NRXN3: variants seen among roughly 807,000 people sequenced by gnomAD.
NRXN3 encodes the protein neurexin III.
A neutral mutation model predicts 137.6 loss-of-function variants in NRXN3; 32 were observed. That is an observed-to-expected ratio of 0.23 (90% CI 0.18 to 0.31). The LOEUF is 0.31. Among genes scored for constraint, NRXN3 ranks in the 10% least tolerant of loss-of-function variants. NRXN3 has a pLI of 1.00. For missense variants in NRXN3, 1,574 were observed against 2,062.5 expected, an observed-to-expected ratio of 0.76 and a Z score of 4.59; for synonymous variants, 798 against 784.5, an observed-to-expected ratio of 1.02 and a Z score of -0.29.
intron 14 of NRXN3, among the ~76,000 whole-genome samples, chr14:78,983,855 AAAAAAAAAAAAAAAAAAG>A: frequency 8.8e-6 from 1 of 114,062 alleles, no homozygotes; most frequent in Admixed American, 8.0e-5. Flanking sequence ...GATTCCATTT[AAAAAAAAAAAAAAAAAAG>A]AAAAAAAAAG....
chr14:79,046,709 C>A (rs938690462), intron 15 of NRXN3, among the ~76,000 whole-genome samples: 2 of 152,102 alleles, frequency 1.3e-5, no homozygotes, highest in African/African-American at 4.8e-5. Context: ...GTTAAATATC[C>A]TCCTCTATAA....
chr14:78,639,415 A>C (rs2097596516), intron 4 of NRXN3, among the ~76,000 whole-genome samples: 1 of 152,238 alleles, frequency 6.6e-6, no homozygotes. Flanking sequence ...CACTGGCTAC[A>C]GCCACTTCAG....
chr14:78,344,212 A>C (rs1392234678), intron 4 of NRXN3, among the ~76,000 whole-genome samples: 1 of 152,316 alleles, frequency 6.6e-6, no homozygotes, highest in Admixed American at 6.5e-5. Context: ...ATGCACACAC[A>C]TGTGGGTTTG....
chr14:79,122,587 G>C (rs1319833189), intron 15 of NRXN3, among the ~76,000 whole-genome samples: 1 of 152,160 alleles, frequency 6.6e-6, no homozygotes, highest in Non-Finnish European at 1.5e-5. Flanking sequence ...CCTCTGTTAA[G>C]ATATTCAGAC....
chr14:78,781,668 T>C (rs1313940318), intron 8 of NRXN3, among the ~76,000 whole-genome samples: 1 of 152,126 alleles, frequency 6.6e-6, no homozygotes, highest in Non-Finnish European at 1.5e-5. Context: ...TTCTAAAATA[T>C]CAAGGCTCAA....
intron 19 of NRXN3, among the ~76,000 whole-genome samples, chr14:79,756,466 A>G (rs2099019909): frequency 6.6e-6 from 1 of 152,206 alleles, no homozygotes; most frequent in Non-Finnish European, 1.5e-5. Context: ...TCAATTGAAT[A>G]TGGATATGAA....
At chr14:78,514,744 G>A (rs2096174892) in intron 4 of NRXN3, among the ~76,000 whole-genome samples, 1 of 152,122 alleles carries the variant, frequency 6.6e-6, no homozygotes, top group South Asian at 2.1e-4. Flanking sequence ...ACTATGAAAT[G>A]TTAAAGCAAG....
At chr14:78,777,346 C>T (rs1181204426) in intron 8 of NRXN3, among the ~76,000 whole-genome samples, 1 of 152,122 alleles carries the variant, frequency 6.6e-6, no homozygotes. Context: ...CAATTCCTGC[C>T]ATTTTCTTGG....
chr14:79,427,091 A>AT (rs2095664874), intron 15 of NRXN3, among the ~76,000 whole-genome samples: 1 of 152,186 alleles, frequency 6.6e-6, no homozygotes, highest in South Asian at 2.1e-4. Context: ...ATTAGGAGCC[A>AT]TATTAGATAG....
chr14:79,486,202 C>G (rs2096654274), intron 16 of NRXN3, among the ~76,000 whole-genome samples: 1 of 152,098 alleles, frequency 6.6e-6, no homozygotes, highest in African/African-American at 2.4e-5. Flanking sequence ...GAGTAACAGC[C>G]TCTGAGGGCC....
At chr14:79,749,709 G>C (rs1036048954) in intron 19 of NRXN3, among the ~76,000 whole-genome samples, 12 of 152,026 alleles carry the variant, frequency 7.9e-5, no homozygotes, top group Admixed American at 5.2e-4. Flanking sequence ...TCACCACATT[G>C]AGGTGAGGGG....
At chr14:79,315,017 G>T (rs1377073261) in intron 15 of NRXN3, among the ~76,000 whole-genome samples, 1 of 152,164 alleles carries the variant, frequency 6.6e-6, no homozygotes, top group African/African-American at 2.4e-5. Context: ...ATCTTCTGTG[G>T]CTGCCACTAC....
intron 16 of NRXN3, among the ~76,000 whole-genome samples, chr14:79,562,746 C>G (rs2097511029): frequency 6.6e-6 from 1 of 152,130 alleles, no homozygotes. Flanking sequence ...TAGTTTAAGT[C>G]ACTTCAAAAC....
chr14:78,813,580 T>C lies in NRXN3; in HGVS notation c.2275+3236T>C, dbSNP rs148052203. ...TGAATCAAGGTGGATTATAAGTTTG[T>C]GAACTTTTTCAGTCATTCTTTTTTA... is the stretch of plus-strand genomic sequence containing the variant. On this transcript the variant is annotated intron_variant, in intron 10 of 20. Transcript: ENST00000335750. 4.3e-3 allele frequency among the ~76,000 whole-genome samples: 658 copies of C among 152,312 alleles called. 6 individuals carry two copies. The highest frequency in any genetic ancestry group is 0.015 in the African/African-American group (618 of 41,576).
At chr14:79,213,023 AT>A (rs545586467) in intron 15 of NRXN3, among the ~76,000 whole-genome samples, 133 of 152,092 alleles carry the variant, frequency 8.7e-4, no homozygotes, top group Admixed American at 1.8e-3. Context: ...GATACAATAT[AT>A]TTTTTTCGGG....
At chr14:78,901,278 C>A (rs1222847247) in intron 10 of NRXN3, among the ~76,000 whole-genome samples, 1 of 151,770 alleles carries the variant, frequency 6.6e-6, no homozygotes, top group Non-Finnish European at 1.5e-5. Context: ...TTTCCTGGAC[C>A]ATTTAAATTG....
At chr14:79,274,720 TTAAAG>T (rs749676364) in intron 15 of NRXN3, among the ~76,000 whole-genome samples, 8 of 152,358 alleles carry the variant, frequency 5.3e-5, no homozygotes, top group South Asian at 4.1e-4. Flanking sequence ...TTTTTAATCC[TTAAAG>T]TAATGTGTAT....
chr14:79,336,852 C>A (rs935382964), intron 15 of NRXN3, among the ~76,000 whole-genome samples: 7 of 152,190 alleles, frequency 4.6e-5, no homozygotes, highest in Non-Finnish European at 5.9e-5. Context: ...ACCCCAAGGT[C>A]AGGCTTGTGT....
Position 79,454,985 on chromosome 14 carries a change from T to G in NRXN3, c.3263-12236T>G, listed in dbSNP as rs188411547. Among the ~76,000 whole-genome samples the G allele has an allele frequency of 4.0e-3, 615 of 152,330 alleles. 2 individuals are homozygous for G. Among genetic ancestry groups the G allele is most frequent in the Non-Finnish European group, 6.5e-3 (442 of 68,024 alleles). ...TCAATTTTTGTAAGTGAAATTAAAG[T>G]GTTTTGTTTTTGTGTAGCATATTTA... On this transcript the variant is annotated intron_variant, in intron 15 of 20. Coordinates refer to ENST00000335750, the MANE Select transcript of NRXN3 (RefSeq NM_001330195.2).
Sources: allele counts gnomAD v4.1 joint callset (sites outside exome capture counted in the v4.1 genomes callset), GRCh38; gene constraint gnomAD v4.1.1; transcripts MANE v1.5; gene names NCBI Gene and HGNC (gene_info 2026-07-23, HGNC 2026-07-21).